Variants in TBL1XR1 observed in about 807,000 individuals in gnomAD.
The protein encoded by TBL1XR1 is F-box-like/WD repeat-containing protein TBL1XR1.
A neutral mutation model predicts 66.9 loss-of-function variants in TBL1XR1; 5 were observed. The observed-to-expected ratio is 0.07, with a 90% CI of 0.04 to 0.16. The LOEUF (loss-of-function observed/expected upper bound fraction) is 0.16. TBL1XR1 is among the 10% of genes least tolerant of loss of function. The probability of loss-of-function intolerance (pLI) is 1.00; values close to 1 mark genes in which losing one functional copy is unlikely to be tolerated. For missense variants in TBL1XR1, 238 were observed against 623.2 expected, an observed-to-expected ratio of 0.38 and a Z score of 6.58; for synonymous variants, 210 against 206.0, an observed-to-expected ratio of 1.02 and a Z score of -0.17.
chr3:177,156,169 A>C (rs1439934627), intron 1 of TBL1XR1, among the ~76,000 whole-genome samples: 3 of 37,078 alleles, frequency 8.1e-5, no homozygotes, highest in Admixed American at 5.5e-4. Context: ...CTCTACCAAA[A>C]AAAAAAAAAA....
At chr3:177,196,741 C>CA (rs1736908852) in intron 1 of TBL1XR1, among the ~76,000 whole-genome samples, 1 of 99,708 alleles carries the variant, frequency 1.0e-5, no homozygotes, top group African/African-American at 3.3e-5. Flanking sequence ...AGCCTCCCCC[C>CA]CCAAACACAC....
chr3:177,150,363 G>A (rs953046719), intron 1 of TBL1XR1, among the ~76,000 whole-genome samples: 1 of 152,086 alleles, frequency 6.6e-6, no homozygotes, highest in African/African-American at 2.4e-5. Context: ...CTTAAAACTC[G>A]GCAAAATAAG....
intron 1 of TBL1XR1, among the ~76,000 whole-genome samples, chr3:177,115,444 A>T (rs1013026513): frequency 2.6e-5 from 4 of 152,184 alleles, no homozygotes; most frequent in African/African-American, 9.7e-5. Flanking sequence ...TCATTATCAT[A>T]GTCATATTGT....
At chr3:177,151,341 G>A (rs972686621) in intron 1 of TBL1XR1, among the ~76,000 whole-genome samples, 4 of 152,168 alleles carry the variant, frequency 2.6e-5, no homozygotes, top group Admixed American at 6.5e-5. Context: ...TTGATGATGG[G>A]GGTCCCCAAC....
intron 1 of TBL1XR1, among the ~76,000 whole-genome samples, chr3:177,176,448 C>T (rs1734163812): frequency 6.6e-6 from 1 of 151,594 alleles, no homozygotes; most frequent in African/African-American, 2.4e-5. Flanking sequence ...CCACCCACCT[C>T]GGCCTCCCAA....
intron 13 of TBL1XR1, 41 bp downstream of exon 13, chr3:177,034,157 G>A (rs1319171857): frequency 6.4e-7 from 1 of 1,554,462 alleles, no homozygotes. Flanking sequence ...AGTCTGATTT[G>A]TAGAAGACTC....
chr3:177,180,376 C>T (rs976202082), intron 1 of TBL1XR1, among the ~76,000 whole-genome samples: 1 of 137,966 alleles, frequency 7.2e-6, no homozygotes, highest in Non-Finnish European at 1.6e-5. Flanking sequence ...GTTCATTCCC[C>T]CCCCCCCCAT....
intron 1 of TBL1XR1, among the ~76,000 whole-genome samples, chr3:177,148,204 T>C (rs17554513): frequency 0.062 from 9,467 of 152,270 alleles, 388 homozygotes; most frequent in South Asian, 0.17. Flanking sequence ...AGATGACAGC[T>C]AGTTAAGGAT....
intron 1 of TBL1XR1, chr3:177,160,762 G>C (rs923091656): frequency 2.0e-5 from 3 of 152,154 alleles, no homozygotes; most frequent in African/African-American, 7.2e-5. Context: ...TTGGGAGACT[G>C]AGGAGGGTGG....
intron 1 of TBL1XR1, among the ~76,000 whole-genome samples, chr3:177,140,349 C>T (rs1248937029): frequency 6.6e-6 from 1 of 152,114 alleles, no homozygotes; most frequent in Non-Finnish European, 1.5e-5. Context: ...CCCAAAGCTT[C>T]CCCAAATGCA....
intron 3 of TBL1XR1, among the ~76,000 whole-genome samples, chr3:177,059,562 AT>A (rs1718246739): frequency 6.6e-6 from 1 of 152,172 alleles, no homozygotes; most frequent in African/African-American, 2.4e-5. Context: ...CAAGGCCTGT[AT>A]TTCTAAGGAG....
At position 177,024,035 on chromosome 3, in the gene TBL1XR1, T is replaced by G. The variant is rs1398305763; in HGVS notation, c.*1463A>C. On this transcript the variant is annotated 3_prime_UTR_variant, in exon 16 of 16. Coordinates refer to ENST00000457928, the MANE Select transcript of TBL1XR1 (RefSeq NM_024665.7). ...AGTTGCATGAGCACAAGGTTTAATATCTATATCTTTAAGAAAATACTTGAT... is the reference window on the plus strand; with the variant it reads ...AGTTGCATGAGCACAAGGTTTAATAGCTATATCTTTAAGAAAATACTTGAT... 6.6e-6 allele frequency: 1 copy of G among 151,924 alleles called. No individual in the cohort carries two copies. Among genetic ancestry groups the G allele is most frequent in the Admixed American group, 6.6e-5 (1 of 15,238 alleles). The allele number at this position is 151,924 out of a possible 1,614,324, so 9.4% of individuals were successfully genotyped here. A position where few individuals can be genotyped will look rare whatever the true frequency, so the allele number is the denominator to read the frequency against.
intron 1 of TBL1XR1, among the ~76,000 whole-genome samples, chr3:177,113,051 T>A (rs1725851441): frequency 1.3e-5 from 2 of 150,254 alleles, no homozygotes; most frequent in South Asian, 4.2e-4. Flanking sequence ...AACCCAAAAG[T>A]AAATCTACAC....
At chr3:177,101,045 G>A (rs537507134) in intron 1 of TBL1XR1, among the ~76,000 whole-genome samples, 16 of 152,106 alleles carry the variant, frequency 1.1e-4, no homozygotes, top group Admixed American at 8.5e-4. Context: ...TAGTAGAGAC[G>A]GGGGTCTCTC....
At chr3:177,168,576 C>T (rs556561142) in intron 1 of TBL1XR1, among the ~76,000 whole-genome samples, 105 of 152,294 alleles carry the variant, frequency 6.9e-4, no homozygotes, top group African/African-American at 2.4e-3. Flanking sequence ...GCTACCACGT[C>T]CGGCCATGAA....
intron 1 of TBL1XR1, among the ~76,000 whole-genome samples, chr3:177,170,807 G>A (rs781654241): frequency 1.3e-5 from 2 of 151,974 alleles, no homozygotes; most frequent in Non-Finnish European, 2.9e-5. Flanking sequence ...GTCTCGCCAT[G>A]TTGCCCAAGC....
upstream of TBL1XR1, among the ~76,000 whole-genome samples, chr3:177,200,777 G>A (rs1315482108): frequency 2.0e-5 from 3 of 152,146 alleles, no homozygotes; most frequent in African/African-American, 7.2e-5. Context: ...AGGCTGAGGT[G>A]GGCAGATCAC....
At chr3:177,199,000 C>T (rs1315110679), upstream of TBL1XR1, among the ~76,000 whole-genome samples, 5 of 152,044 alleles carry the variant, frequency 3.3e-5, no homozygotes, top group Admixed American at 2.0e-4. Context: ...TGTCTCTTTC[C>T]CCCCTGAGCC....
At chr3:177,187,006 A>C (rs1157328912) in intron 1 of TBL1XR1, among the ~76,000 whole-genome samples, 4 of 152,092 alleles carry the variant, frequency 2.6e-5, no homozygotes, top group South Asian at 2.1e-4. Context: ...CTCTCCTAAA[A>C]ACACAAAAAA....
Sources: allele counts gnomAD v4.1 joint callset (sites outside exome capture counted in the v4.1 genomes callset), GRCh38; gene constraint gnomAD v4.1.1; transcripts MANE v1.5; gene names NCBI Gene and HGNC (gene_info 2026-07-23, HGNC 2026-07-21).